The following GABBR2 variants were observed in gnomAD, a reference collection of about 807,000 sequenced individuals.
The protein encoded by GABBR2 is G-protein coupled receptor 51.
Under a neutral mutation model 105.6 loss-of-function variants are expected in GABBR2, and 23 were observed. The ratio of observed to expected loss-of-function variants is 0.22; its 90% CI spans 0.16 to 0.31. GABBR2 has a LOEUF of 0.31. Ranked by LOEUF, GABBR2 falls within the 10% of genes least tolerant of loss-of-function variation. GABBR2 has a pLI of 1.00. For synonymous variants in GABBR2, 478 were observed against 499.7 expected (o/e 0.96, Z 0.58); for missense variants, 734 against 1,245.5 (o/e 0.59, Z 6.18).
At position 98,514,794 on chromosome 9, in the gene GABBR2, T is replaced by TATA. The variant is rs1347601187; in HGVS notation, c.631-18283_631-18281dup. On this transcript the variant is annotated intron_variant, in intron 3 of 18. Coordinates refer to ENST00000259455, the MANE Select transcript of GABBR2 (RefSeq NM_005458.8). ...TGCACATGTACCCTAAAACTTAAAG[T>TATA]ATAATAATAATAATTAAAAAACCAT... Among the ~76,000 whole-genome samples the TATA allele has an allele frequency of 2.6e-5, 4 of 152,186 alleles. No homozygotes were observed. The South Asian group carries it at 8.3e-4, about 32-fold the overall frequency.
intron 13 of GABBR2, among the ~76,000 whole-genome samples, chr9:98,320,885 G>A (rs1414338405): frequency 6.6e-6 from 1 of 151,462 alleles, no homozygotes; most frequent in Non-Finnish European, 1.5e-5. Flanking sequence ...ACTAGATGAC[G>A]AGTTAGTGGG....
At chr9:98,492,684 G>A (rs183492170) in intron 4 of GABBR2, among the ~76,000 whole-genome samples, 1 of 152,176 alleles carries the variant, frequency 6.6e-6, no homozygotes, top group East Asian at 1.9e-4. Context: ...GACAGTTTGG[G>A]GGAGTATTGG....
intron 1 of GABBR2, among the ~76,000 whole-genome samples, chr9:98,665,490 T>C (rs1432218831): frequency 8.4e-6 from 1 of 119,244 alleles, no homozygotes; most frequent in African/African-American, 3.2e-5. Flanking sequence ...GTCTTTGCAT[T>C]AGGTCCAGGC....
intron 2 of GABBR2, among the ~76,000 whole-genome samples, chr9:98,565,773 A>G (rs898368371): frequency 6.6e-6 from 1 of 152,218 alleles, no homozygotes; most frequent in African/African-American, 2.4e-5. Context: ...GGCACCAGCT[A>G]ACAAGCACCA....
At chr9:98,628,625 G>T (rs1256615168) in intron 1 of GABBR2, among the ~76,000 whole-genome samples, 1 of 152,072 alleles carries the variant, frequency 6.6e-6, no homozygotes, top group Non-Finnish European at 1.5e-5. Context: ...TTTCCTCAGA[G>T]AAAACACTTT....
At chr9:98,392,553 T>G (rs1278687088) in intron 9 of GABBR2, among the ~76,000 whole-genome samples, 1 of 152,166 alleles carries the variant, frequency 6.6e-6, no homozygotes, top group African/African-American at 2.4e-5. Context: ...GGAGTTTTGC[T>G]TTGCAATGTT....
intron 12 of GABBR2, among the ~76,000 whole-genome samples, chr9:98,368,026 C>T (rs1315351443): frequency 6.6e-6 from 1 of 152,080 alleles, no homozygotes; most frequent in African/African-American, 2.4e-5. Context: ...CCCTGATCCC[C>T]TCTGTGCATG....
chr9:98,433,751 G>A (rs1825851462), intron 7 of GABBR2, among the ~76,000 whole-genome samples: 1 of 152,102 alleles, frequency 6.6e-6, no homozygotes, highest in African/African-American at 2.4e-5. Context: ...ACAGCCCCCA[G>A]ACAAAGAGAT....
intron 1 of GABBR2, among the ~76,000 whole-genome samples, chr9:98,669,615 T>A (rs1402329986): frequency 6.6e-6 from 1 of 152,246 alleles, no homozygotes; most frequent in East Asian, 1.9e-4. Flanking sequence ...CATAGCTTTA[T>A]AAGTCATCCT....
chr9:98,663,552 A>C (rs1383526373), intron 1 of GABBR2, among the ~76,000 whole-genome samples: 1 of 151,958 alleles, frequency 6.6e-6, no homozygotes, highest in Non-Finnish European at 1.5e-5. Context: ...GGTGTTCCTC[A>C]GGGAAAGATA....
chr9:98,431,507 C>G (rs1040190892), intron 7 of GABBR2, among the ~76,000 whole-genome samples: 4 of 151,514 alleles, frequency 2.6e-5, no homozygotes, highest in African/African-American at 7.3e-5. Flanking sequence ...CCCACATAAG[C>G]ACAGTTATGA....
intron 3 of GABBR2, among the ~76,000 whole-genome samples, chr9:98,515,433 A>T (rs1314327556): frequency 6.6e-6 from 1 of 152,186 alleles, no homozygotes; most frequent in South Asian, 2.1e-4. Flanking sequence ...TGCACTTTTT[A>T]TTAGCAGCTT....
At chr9:98,341,904 G>A (rs1831220347) in intron 13 of GABBR2, among the ~76,000 whole-genome samples, 1 of 152,222 alleles carries the variant, frequency 6.6e-6, no homozygotes, top group Admixed American at 6.5e-5. Flanking sequence ...AGACAGATGG[G>A]TTGAAATTGG....
chr9:98,708,167 C>T (rs543522623), intron 1 of GABBR2, among the ~76,000 whole-genome samples: 24 of 152,144 alleles, frequency 1.6e-4, no homozygotes, highest in Non-Finnish European at 3.1e-4. Flanking sequence ...TTCTATCCCA[C>T]CCCCACCCCT....
chr9:98,422,502 GTGTGTGTGTGTGTGTGTGTC>G (rs1832799891), intron 7 of GABBR2, among the ~76,000 whole-genome samples: 1 of 149,604 alleles, frequency 6.7e-6, no homozygotes, highest in South Asian at 2.1e-4. Context: ...GCACCTGTGT[GTGTGTGTGTGTGTGTGTGTC>G]TGTGTGTGTG....
At chr9:98,411,377 C>A (rs919950481) in intron 7 of GABBR2, among the ~76,000 whole-genome samples, 1 of 152,116 alleles carries the variant, frequency 6.6e-6, no homozygotes. Flanking sequence ...GCTCATTGAG[C>A]GTTTCTGAGC....
chr9:98,598,583 G>GA (rs143124593), intron 1 of GABBR2, among the ~76,000 whole-genome samples: 39,980 of 114,034 alleles, frequency 0.35, 5,833 homozygotes, highest in Middle Eastern at 0.44. Context: ...GAAAGAAGAA[G>GA]AAAAAAAAAA....
At chr9:98,461,466 G>C (rs1396230683) in intron 6 of GABBR2, among the ~76,000 whole-genome samples, 1 of 152,178 alleles carries the variant, frequency 6.6e-6, no homozygotes, top group Non-Finnish European at 1.5e-5. Context: ...TGTAGCCTGA[G>C]TGGTGGGATG....
intron 7 of GABBR2, among the ~76,000 whole-genome samples, chr9:98,407,532 C>T (rs868160294): frequency 3.2e-4 from 49 of 152,206 alleles, no homozygotes; most frequent in African/African-American, 1.1e-3. Flanking sequence ...ATTTTTATTT[C>T]GAGGGACAAT....
Sources: gnomAD v4.1 joint callset for allele counts (sites outside exome capture counted in the v4.1 genomes callset) on GRCh38, gnomAD v4.1.1 for gene constraint, MANE v1.5 for transcripts, NCBI Gene and HGNC (gene_info 2026-07-23, HGNC 2026-07-21) for gene names.